SERPING1: variants seen among roughly 807,000 people sequenced by gnomAD.
SERPING1 encodes serpin family G member 1.
Under a neutral mutation model 34.1 loss-of-function variants are expected in SERPING1, and 5 were observed. The observed-to-expected ratio is 0.15, with a 90% CI of 0.08 to 0.31. The LOEUF (loss-of-function observed/expected upper bound fraction) is 0.31. SERPING1 is among the 10% of genes least tolerant of loss of function. The pLI is 1.00. For synonymous variants in SERPING1, 225 were observed against 242.4 expected, an observed-to-expected ratio of 0.93 and a Z score of 0.67; for missense variants, 505 against 609.5, an observed-to-expected ratio of 0.83 and a Z score of 1.81.
chr11:57,600,435 C>T, intron 3 of SERPING1, 58 bp downstream of exon 3: 1 of 1,581,788 alleles, frequency 6.3e-7, no homozygotes, highest in Non-Finnish European at 8.7e-7. Flanking sequence ...ATAAGAGTCA[C>T]CAATCCAGAC....
At chr11:57,599,222 C>T (rs907282828) in intron 2 of SERPING1, among the ~76,000 whole-genome samples, 3 of 152,146 alleles carry the variant, frequency 2.0e-5, no homozygotes, top group Admixed American at 6.5e-5. Flanking sequence ...CTAGCCTCTA[C>T]GCACTAGATT....
intron 4 of SERPING1, among the ~76,000 whole-genome samples, chr11:57,603,211 G>T (rs1463954173): frequency 1.3e-5 from 2 of 149,000 alleles, no homozygotes; most frequent in Non-Finnish European, 3.0e-5. Flanking sequence ...TCCAGCCTGA[G>T]TGAAACAGCA....
chr11:57,608,257 G>A (rs1482623886), intron 6 of SERPING1, among the ~76,000 whole-genome samples: 1 of 152,124 alleles, frequency 6.6e-6, no homozygotes, highest in African/African-American at 2.4e-5. Context: ...TAACAAGTTA[G>A]GTTTAAATGT....
chr11:57,601,208 G>A (rs547341698), intron 3 of SERPING1, among the ~76,000 whole-genome samples: 56 of 152,110 alleles, frequency 3.7e-4, no homozygotes, highest in Non-Finnish European at 1.3e-4. Context: ...AGACCAGCCT[G>A]ACTAACATGG....
At chr11:57,608,635 C>G (rs572828347) in intron 6 of SERPING1, among the ~76,000 whole-genome samples, 1 of 152,240 alleles carries the variant, frequency 6.6e-6, no homozygotes, top group East Asian at 1.9e-4. Flanking sequence ...GCCTTAGCCT[C>G]CCTAGTAGCT....
At chr11:57,611,987 G>A (rs559695366) in intron 7 of SERPING1, 51 bp downstream of exon 7, 6 of 1,434,260 alleles carry the variant, frequency 4.2e-6, no homozygotes, top group African/African-American at 2.8e-5. Context: ...GGAGAAAGGG[G>A]GGATCCCTAA....
chr11:57,598,257 ACGT>A lies in SERPING1; in HGVS notation c.-11_-9del, dbSNP rs1386052279. ...GCTGGCTGGCTCCGCAGGTCCGCTG[ACGT>A]CGCCGCCCAGATGGCCTCCAGGCTG... On this transcript the variant is annotated 5_prime_UTR_variant, in exon 2 of 8. Coordinates refer to ENST00000278407, the MANE Select transcript of SERPING1 (RefSeq NM_000062.3). 6 of 1,547,556 alleles carry A rather than the reference ACGT, an allele frequency of 3.9e-6. No individual in the cohort carries two copies. The African/African-American group carries it at 8.2e-5, about 21-fold the overall frequency.
intron 6 of SERPING1, among the ~76,000 whole-genome samples, chr11:57,609,588 A>G (rs1482890496): frequency 6.6e-6 from 1 of 152,134 alleles, no homozygotes; most frequent in Non-Finnish European, 1.5e-5. Flanking sequence ...TCAGAAAAAA[A>G]AAAATAGGGT....
At chr11:57,598,394 G>A in intron 2 of SERPING1, 73 bp downstream of exon 2, 1 of 1,450,530 alleles carries the variant, frequency 6.9e-7, no homozygotes, top group South Asian at 1.2e-5. Flanking sequence ...GCGGGCGGTG[G>A]CTGAGGATTA....
At chr11:57,604,559 T>C (rs1945387286) in intron 4 of SERPING1, among the ~76,000 whole-genome samples, 1 of 152,132 alleles carries the variant, frequency 6.6e-6, no homozygotes, top group African/African-American at 2.4e-5. Context: ...CCATTTTATA[T>C]TGTGGGCTTC....
chr11:57,614,826 A>G lies in SERPING1; in HGVS notation c.*245A>G, dbSNP rs1223724637. ...CTAGTTCAAGTTCACCAGACTCTAT[A>G]AATAAAACCTGACAGACCATGACTT... On this transcript the variant is annotated 3_prime_UTR_variant, in exon 8 of 8. Coordinates refer to ENST00000278407, the MANE Select transcript of SERPING1 (RefSeq NM_000062.3). The G allele has an allele frequency of 3.9e-6, 2 of 518,620 alleles. No homozygotes were observed. The highest frequency in any genetic ancestry group is 6.0e-5 in the East Asian group (2 of 33,232). The allele number at this position is 518,620 out of a possible 1,614,324, so 32.1% of individuals were successfully genotyped here.
chr11:57,614,472 C>T lies in SERPING1; in HGVS notation c.1394C>T (p.Ala465Val), dbSNP rs121907950. The T allele has an allele frequency of 1.2e-6, 2 of 1,614,084 alleles. No homozygotes were observed. The highest frequency in any genetic ancestry group is 8.5e-7 in the Non-Finnish European group (1 of 1,180,016). Residue 465 changes from alanine (A) to valine (V), a missense_variant, in exon 8 of 8, where the codon GCC becomes GTC. Ala to Val is a moderately conservative substitution (Grantham distance 64). Coordinates refer to ENST00000278407, the MANE Select transcript of SERPING1 (RefSeq NM_000062.3). ...EAAAASAISVARTLLVFEVQQ... is the reference protein window; with the variant it reads ...EAAAASAISVVRTLLVFEVQQ... ...GCTGCAGCCTCCGCCATCTCTGTGG[C>T]CCGCACCCTGCTGGTCTTTGAAGTG...
rs1945513949 is a variant in SERPING1, at chr11:57,614,415, T to A, written c.1337T>A (p.Val446Glu). Residue 446 changes from valine to glutamate, a missense_variant, in exon 8 of 8, where the codon GTG becomes GAG. Val to Glu is a moderately radical substitution (Grantham distance 121). Coordinates refer to ENST00000278407, the MANE Select transcript of SERPING1 (RefSeq NM_000062.3). ...LQVSAMQHQT[V>E]LELTETGVEA... is the part of the protein sequence containing the mutation. ...GTTTCTGCGATGCAGCACCAGACAGTGCTGGAACTGACAGAGACTGGGGTG... is the reference window on the plus strand; with the variant it reads ...GTTTCTGCGATGCAGCACCAGACAGAGCTGGAACTGACAGAGACTGGGGTG... The A allele has an allele frequency of 1.2e-6, 2 of 1,614,008 alleles. No individual in the cohort carries two copies. The highest frequency in any genetic ancestry group is 1.7e-5 in the Admixed American group (1 of 59,996).
intron 1 of SERPING1, chr11:57,597,999 G>T (rs1945306520): frequency 4.6e-6 from 2 of 433,764 alleles, no homozygotes; most frequent in East Asian, 4.1e-5. Flanking sequence ...CCTCCCCTCC[G>T]ACTGAACAGA....
intron 5 of SERPING1, 93 bp downstream of exon 5, chr11:57,606,306 G>A: frequency 6.3e-7 from 1 of 1,595,034 alleles, no homozygotes; most frequent in South Asian, 1.1e-5. Context: ...TCTACAATCG[G>A]ATCTCAATGT....
chr11:57,600,865 C>T (rs553040587), intron 3 of SERPING1, among the ~76,000 whole-genome samples: 12 of 151,662 alleles, frequency 7.9e-5, no homozygotes, highest in Admixed American at 3.9e-4. Context: ...GCAGGAGAAT[C>T]GCTTGAACCC....
At chr11:57,605,385 G>A (rs149575894) in intron 4 of SERPING1, among the ~76,000 whole-genome samples, 128 of 151,314 alleles carry the variant, frequency 8.5e-4, no homozygotes, top group African/African-American at 3.0e-3. Flanking sequence ...TGCAACCTCC[G>A]TCTCCCAGAT....
At chr11:57,597,947 C>T in intron 1 of SERPING1, 2 of 401,720 alleles carry the variant, frequency 5.0e-6, no homozygotes, top group Non-Finnish European at 9.2e-6. Context: ...CGCCTCTGGC[C>T]TCATTGTTTG....
In SERPING1 at chr11:57,614,419, G is replaced by A; in HGVS notation, c.1341G>A (p.Leu447=). Residue 447 remains leucine (L), a synonymous_variant, in exon 8 of 8, where the codon CTG becomes CTA. Coordinates refer to ENST00000278407, the MANE Select transcript of SERPING1 (RefSeq NM_000062.3). ...QVSAMQHQTV[L]ELTETGVEAA... ...CTGCGATGCAGCACCAGACAGTGCT[G>A]GAACTGACAGAGACTGGGGTGGAGG... 1 of 1,614,118 alleles carries A rather than the reference G, an allele frequency of 6.2e-7. No homozygotes were observed.
Sources: allele counts gnomAD v4.1 joint callset (sites outside exome capture counted in the v4.1 genomes callset), GRCh38; gene constraint gnomAD v4.1.1; transcripts MANE v1.5; gene names NCBI Gene and HGNC (gene_info 2026-07-23, HGNC 2026-07-21).